Variants in C6orf89 observed in about 807,000 individuals in gnomAD.
C6orf89 encodes the protein chromosome 6 open reading frame 89, also known as bombesin receptor-activated protein C6orf89.
Under a neutral mutation model 40.7 loss-of-function variants are expected in C6orf89, and 29 were observed. The observed-to-expected ratio is 0.71, with a 90% CI of 0.53 to 0.97. C6orf89 has a LOEUF of 0.97. Ranked by LOEUF, C6orf89 falls within the 50% of genes least tolerant of loss-of-function variation. The probability of loss-of-function intolerance (pLI) is 0.00; values close to 1 mark genes in which losing one functional copy is unlikely to be tolerated. For missense variants in C6orf89, 392 were observed against 429.1 expected (o/e 0.91, Z 0.76); for synonymous variants, 165 against 152.2 (o/e 1.08, Z -0.62).
Position 36,914,944 on chromosome 6 carries a change from C to T in C6orf89, c.695+251C>T, listed in dbSNP as rs376261307. Among the ~76,000 whole-genome samples the T allele has an allele frequency of 3.8e-4, 58 of 152,258 alleles. 1 individual carries two copies. The East Asian group carries it at 7.7e-3, about 20-fold the overall frequency. On this transcript the variant is annotated intron_variant, in intron 6 of 8. Coordinates refer to ENST00000480824, the MANE Select transcript of C6orf89 (RefSeq NM_001286635.2). ...GGTGGAGGTTGCCATGAGCTGAGAT[C>T]GCGCCATTGCCCTCCAGCTTGGGTG...
intron 8 of C6orf89, among the ~76,000 whole-genome samples, chr6:36,921,988 G>GCTGCACTCCGCTATGACTGCACCC (rs1437621431): frequency 6.6e-6 from 1 of 152,084 alleles, no homozygotes; most frequent in East Asian, 1.9e-4. Context: ...TGACTGCACC[G>GCTGCACTCCGCTATGACTGCACCC]CTGCACTCCA....
chr6:36,891,043 G>A (rs1283457980), intron 1 of C6orf89, among the ~76,000 whole-genome samples: 3 of 151,828 alleles, frequency 2.0e-5, no homozygotes, highest in African/African-American at 4.8e-5. Flanking sequence ...TGTGCACAAC[G>A]TGTAGGTTTG....
At chr6:36,878,062 A>C in intron 1 of C6orf89, among the ~76,000 whole-genome samples, 1 of 152,204 alleles carries the variant, frequency 6.6e-6, no homozygotes, top group Non-Finnish European at 1.5e-5. Flanking sequence ...TTTTTATCAT[A>C]TAGATCTGCA....
chr6:36,882,728 T>TG (rs1774853360), upstream of C6orf89, among the ~76,000 whole-genome samples: 1 of 53,382 alleles, frequency 1.9e-5, no homozygotes, highest in Non-Finnish European at 4.8e-5. Context: ...TTTTTTTTTC[T>TG]TTTTTCTTTT....
At chr6:36,895,434 G>C (rs1428321148) in intron 2 of C6orf89, among the ~76,000 whole-genome samples, 1 of 152,104 alleles carries the variant, frequency 6.6e-6, no homozygotes, top group African/African-American at 2.4e-5. Context: ...TCGAAATGAG[G>C]CTCAGGTGAC....
chr6:36,894,230 A>G (rs1761340474), intron 1 of C6orf89, among the ~76,000 whole-genome samples: 1 of 151,836 alleles, frequency 6.6e-6, no homozygotes, highest in African/African-American at 2.4e-5. Context: ...TTGTGACCCC[A>G]CCTCCCAGCA....
rs1390406658 is a variant in C6orf89 at position 36,926,597 on chromosome 6, G to GT, written c.*3156_*3157insT. 2.7e-5 allele frequency: 2 copies of GT among 75,026 alleles called. No individual in the cohort carries two copies. Among genetic ancestry groups the GT allele is most frequent in the Non-Finnish European group, 4.7e-5 (2 of 42,612 alleles). 4.6% of individuals were successfully genotyped at this position (75,026 alleles called of 1,614,324 possible). On this transcript the variant is annotated 3_prime_UTR_variant, in exon 9 of 9. Transcript: ENST00000480824. ...AAGAAGAGGGGAGGGGAGGGAAAGG[G>GT]AAGGGAGGGGAGGGGAGGAGAGGAG...
At chr6:36,919,986 C>T (rs538713340) in intron 8 of C6orf89, among the ~76,000 whole-genome samples, 14 of 152,290 alleles carry the variant, frequency 9.2e-5, no homozygotes, top group East Asian at 5.8e-4. Flanking sequence ...AGACCAATCC[C>T]TCGTTTTATA....
intron 7 of C6orf89, 67 bp from the exon 8 acceptor site, chr6:36,919,511 T>C: frequency 6.4e-7 from 1 of 1,557,624 alleles, no homozygotes. Flanking sequence ...TTTTATTTAC[T>C]AAACCCCCTG....
intron 8 of C6orf89, among the ~76,000 whole-genome samples, chr6:36,920,722 G>A (rs912074013): frequency 6.6e-6 from 1 of 152,164 alleles, no homozygotes; most frequent in African/African-American, 2.4e-5. Context: ...CTACAAAAAC[G>A]AGGATTCTTG....
At chr6:36,875,029 A>T (rs1774615090) in intron 1 of C6orf89, 3 of 495,898 alleles carry the variant, frequency 6.0e-6, no homozygotes, top group Admixed American at 3.7e-5. Context: ...ATACCGCGCC[A>T]CTCTGGGCGA....
At chr6:36,910,297 T>TAA (rs1762078596) in intron 4 of C6orf89, among the ~76,000 whole-genome samples, 1 of 152,210 alleles carries the variant, frequency 6.6e-6, no homozygotes, top group East Asian at 1.9e-4. Context: ...ATTTGTATCT[T>TAA]TTAATCAATC....
At chr6:36,875,290 G>A (rs554399242) in intron 1 of C6orf89, among the ~76,000 whole-genome samples, 9 of 152,294 alleles carry the variant, frequency 5.9e-5, no homozygotes, top group African/African-American at 2.2e-4. Context: ...TCTATAAGTA[G>A]ATAGTATTAT....
At chr6:36,879,892 G>A (rs1774758123) in intron 2 of C6orf89, among the ~76,000 whole-genome samples, 1 of 152,124 alleles carries the variant, frequency 6.6e-6, no homozygotes, top group African/African-American at 2.4e-5. Context: ...AAATTATCCT[G>A]AGTCATTAAA....
intron 4 of C6orf89, among the ~76,000 whole-genome samples, chr6:36,904,967 A>G (rs1761872385): frequency 6.6e-6 from 1 of 152,134 alleles, no homozygotes; most frequent in South Asian, 2.1e-4. Flanking sequence ...TTCTTTTTCT[A>G]GATTTCAGCC....
intron 1 of C6orf89, among the ~76,000 whole-genome samples, chr6:36,890,045 A>G (rs1235267607): frequency 6.6e-6 from 1 of 152,252 alleles, no homozygotes; most frequent in Admixed American, 6.5e-5. Context: ...GAATTTGGAC[A>G]TAAGTATGCC....
At chr6:36,882,732 TTC>T (rs1370076450), upstream of C6orf89, among the ~76,000 whole-genome samples, 1,502 of 50,820 alleles carry the variant, frequency 0.03, 45 homozygotes, top group African/African-American at 0.058. Context: ...TTTTTCTTTT[TTC>T]TTTTTTTTTT....
At chr6:36,888,405 G>T (rs971745087) in intron 1 of C6orf89, among the ~76,000 whole-genome samples, 27 of 152,302 alleles carry the variant, frequency 1.8e-4, no homozygotes, top group African/African-American at 6.0e-4. Flanking sequence ...GCTAAGGTGG[G>T]TGGATCACTT....
chr6:36,892,354 T>G (rs1761238538), intron 1 of C6orf89, among the ~76,000 whole-genome samples: 1 of 152,202 alleles, frequency 6.6e-6, no homozygotes. Context: ...TTAAAAGAGC[T>G]GGAGCCTCCC....
Sources: allele counts gnomAD v4.1 joint callset (sites outside exome capture counted in the v4.1 genomes callset), GRCh38; gene constraint gnomAD v4.1.1; transcripts MANE v1.5; gene names NCBI Gene and HGNC (gene_info 2026-07-23, HGNC 2026-07-21).